ZDHHC1: variants seen among roughly 807,000 people sequenced by gnomAD.
ZDHHC1 encodes the protein zDHHC palmitoyltransferase 1, also known as palmitoyltransferase ZDHHC1.
A neutral mutation model predicts 46.9 loss-of-function variants in ZDHHC1; 45 were observed. The ratio of observed to expected loss-of-function variants is 0.96; its 90% CI spans 0.76 to 1.23. ZDHHC1 has a LOEUF of 1.23. ZDHHC1 is among the 50% of genes most tolerant of loss of function. ZDHHC1 has a pLI of 0.00. For synonymous variants in ZDHHC1, 291 were observed against 286.0 expected (o/e 1.02, Z -0.18); for missense variants, 649 against 670.8 (o/e 0.97, Z 0.36).
chr16:67,395,484 T>C lies in ZDHHC1; in HGVS notation c.1010A>G (p.Asn337Ser), dbSNP rs757943738. ...GQAGPAAVNA[N>S]PSQFLATRGQ... The stretch of plus-strand genomic sequence containing the variant: ...TGGCACATGCCCAGGTTGCACTCAC[T>C]TGGCATTCACTGCTGCTGGCCCGGC... The change falls in exon 9 of 12, where the codon AAT (asparagine) becomes AGT (serine). Residue 337 changes from asparagine (N) to serine (S), a missense_variant and splice_region_variant. Physicochemically the swap from Asn to Ser is conservative, Grantham distance 46 (BLOSUM62 1). Transcript: ENST00000565726. 16 of 1,552,934 alleles carry C rather than the reference T, an allele frequency of 1.0e-5. No homozygotes were observed. The South Asian group carries it at 1.8e-4, about 17-fold the overall frequency.
At chr16:67,414,687 C>G (rs2040804002) in intron 1 of ZDHHC1, among the ~76,000 whole-genome samples, 1 of 152,202 alleles carries the variant, frequency 6.6e-6, no homozygotes, top group Admixed American at 6.5e-5. Context: ...CTCTCACTTC[C>G]TCATAAAAAA....
chr16:67,402,928 A>C (rs1442826855), intron 3 of ZDHHC1, among the ~76,000 whole-genome samples: 1 of 152,254 alleles, frequency 6.6e-6, no homozygotes, highest in African/African-American at 2.4e-5. Context: ...ACTCCTGCCC[A>C]AAAACATGGA....
At position 67,407,831 on chromosome 16, in the gene ZDHHC1, G is replaced by A. The variant is rs371057996; in HGVS notation, c.-38-18C>T. 9.1e-5 allele frequency: 71 copies of A among 776,058 alleles called. No individual in the cohort carries two copies. Among genetic ancestry groups the A allele is most frequent in the Non-Finnish European group, 1.4e-4 (57 of 415,100 alleles). The allele number at this position is 776,058 out of a possible 1,614,324, so 48.1% of individuals were successfully genotyped here. A position where few individuals can be genotyped will look rare whatever the true frequency, so the allele number is the denominator to read the frequency against. On this transcript the variant is annotated intron_variant, in intron 1 of 11. Transcript: ENST00000565726. ...GAAAACAGCTGAAATAAAAGGAAAC[G>A]TGGGCACAGTAAATGGTGTGGAATC...
chr16:67,412,587 A>G (rs1298267776), intron 1 of ZDHHC1, among the ~76,000 whole-genome samples: 2 of 152,186 alleles, frequency 1.3e-5, no homozygotes, highest in Non-Finnish European at 1.5e-5. Flanking sequence ...ACTGTTAGGG[A>G]TCTTGTCAAA....
Position 67,394,466 on chromosome 16 carries a change from C to G in ZDHHC1, c.*144G>C, listed in dbSNP as rs2040374102. ...TATTGGAGCATCACAGCCGGTGGGG[C>G]GGGTATTGCTGAGTCGTGGGGGAGG... On this transcript the variant is annotated 3_prime_UTR_variant, in exon 12 of 12. Transcript: ENST00000565726. 1 of 597,620 alleles carries G rather than the reference C, an allele frequency of 1.7e-6. No individual in the cohort carries two copies. The allele number at this position is 597,620 out of a possible 1,614,324, so 37.0% of individuals were successfully genotyped here.
In ZDHHC1 at chr16:67,401,034, C is replaced by T. The variant is rs2040542905; in HGVS notation, c.351G>A (p.Gly117=). ...DANVRDKSYA[G]PLPIFNRSQH... is the part of the protein sequence containing the mutation. ...GGCTTCGGTTGAAGATGGGCAGGGGCCCCGCATAGCTCTTGTCCCGCACGT... is the reference window on the plus strand; with the variant it reads ...GGCTTCGGTTGAAGATGGGCAGGGGTCCCGCATAGCTCTTGTCCCGCACGT... Residue 117 remains glycine, a synonymous_variant, in exon 4 of 12, where the codon GGG becomes GGA. Coordinates refer to ENST00000565726, the MANE Select transcript of ZDHHC1 (RefSeq NM_001323627.2). This position sits in a 1 kb window ranked among gnomAD's most constrained non-coding sequence, Gnocchi z 4.6. The T allele has an allele frequency of 1.2e-6, 2 of 1,614,158 alleles. No individual in the cohort carries two copies.
chr16:67,414,813 G>A (rs1312343336), intron 1 of ZDHHC1, among the ~76,000 whole-genome samples: 1 of 152,200 alleles, frequency 6.6e-6, no homozygotes, highest in African/African-American at 2.4e-5. Flanking sequence ...CTGACTTCCC[G>A]GTATGTCTGT....
chr16:67,404,151 G>A (rs1256967401), intron 3 of ZDHHC1: 1 of 124,244 alleles, frequency 8.0e-6, no homozygotes, highest in Admixed American at 7.4e-5. Context: ...AACAGGGCTG[G>A]ATGACTGACT....
At chr16:67,403,097 C>A (rs2040584281) in intron 3 of ZDHHC1, among the ~76,000 whole-genome samples, 1 of 152,162 alleles carries the variant, frequency 6.6e-6, no homozygotes, top group Admixed American at 6.5e-5. Context: ...AGGGACCTGG[C>A]AGGCAAAGAG....
At chr16:67,395,451 A>T in intron 9 of ZDHHC1, 33 bp downstream of exon 9, 1 of 1,550,448 alleles carries the variant, frequency 6.4e-7, no homozygotes, top group South Asian at 1.2e-5. Context: ...CTAACTGGAG[A>T]TGCCCAGTGG....
rs561774582 is a variant in ZDHHC1 at position 67,399,049 on chromosome 16, G to C, written c.531-105C>G. ...ATTGCTATGGGCTCAGAGGGCTGAG[G>C]GTGACCCCACAGCCCCAACTCCTCA... On this transcript the variant is annotated intron_variant, in intron 5 of 11. Coordinates refer to ENST00000565726, the MANE Select transcript of ZDHHC1 (RefSeq NM_001323627.2). The C allele has an allele frequency of 4.8e-6, 7 of 1,447,980 alleles. No homozygotes were observed. In the East Asian group the frequency reaches 1.7e-4, roughly 36 times the overall value. The allele number at this position is 1,447,980 out of a possible 1,614,324, so 89.7% of individuals were successfully genotyped here.
At chr16:67,408,543 G>A (rs12598427) in intron 1 of ZDHHC1, among the ~76,000 whole-genome samples, 11 of 152,038 alleles carry the variant, frequency 7.2e-5, no homozygotes, top group Admixed American at 3.3e-4. Flanking sequence ...CTGGAGTGCC[G>A]TGGCGCAATG....
Position 67,415,679 on chromosome 16 carries a change from C to CG in ZDHHC1, c.-39+491_-39+492insC, listed in dbSNP as rs566716952. 5.7e-3 allele frequency among the ~76,000 whole-genome samples: 870 copies of CG among 152,220 alleles called. 24 individuals are homozygous for CG. The highest frequency in any genetic ancestry group is 0.045 in the Admixed American group (683 of 15,298). ...GGCTGAGGCAGCAGAATGGCTTGAA[C>CG]CCGGGAGGCGGAGGTTGCAATGACC... On this transcript the variant is annotated intron_variant, in intron 1 of 11. Transcript: ENST00000565726.
Position 67,400,982 on chromosome 16 carries a change from G to T in ZDHHC1, c.403C>A (p.His135Asn). 1 of 1,614,062 alleles carries T rather than the reference G, an allele frequency of 6.2e-7. No individual in the cohort carries two copies. The highest frequency in any genetic ancestry group is 8.5e-7 in the Non-Finnish European group (1 of 1,180,028). Residue 135 changes from histidine (H) to asparagine (N), a missense_variant, in exon 4 of 12, where the codon CAC (histidine) becomes AAC (asparagine). Coordinates refer to ENST00000565726, the MANE Select transcript of ZDHHC1 (RefSeq NM_001323627.2). Reference sequence around the variant, plus strand: ...ACATCCACGTTGCACAAGTTGCAGTGCAGGTCTTCAATGACATGTGCGTGC... The same window carrying T: ...ACATCCACGTTGCACAAGTTGCAGTTCAGGTCTTCAATGACATGTGCGTGC... ...SQHAHVIEDL[H>N]CNLCNVDVSA... is the part of the protein sequence containing the mutation.
chr16:67,401,251 T>C lies in ZDHHC1; in HGVS notation c.253-119A>G. The C allele has an allele frequency of 7.4e-7, 1 of 1,356,786 alleles. No homozygotes were observed. Among genetic ancestry groups the C allele is most frequent in the Non-Finnish European group, 9.9e-7 (1 of 1,007,488 alleles). The allele number at this position is 1,356,786 out of a possible 1,614,324, so 84.0% of individuals were successfully genotyped here. ...CCGCTTTGTGCAGATTCTCTGCCTC[T>C]GCCACCTCCTACCTCCAGTCCCCCA... On this transcript the variant is annotated intron_variant, in intron 3 of 11. Coordinates refer to ENST00000565726, the MANE Select transcript of ZDHHC1 (RefSeq NM_001323627.2). The surrounding 1 kb of genome is among the most constrained non-coding windows in gnomAD (Gnocchi z 4.6).
chr16:67,398,393 C>T, intron 7 of ZDHHC1, 69 bp from the exon 8 acceptor site: 1 of 1,550,230 alleles, frequency 6.5e-7, no homozygotes, highest in South Asian at 1.2e-5. Flanking sequence ...GGAGGGAGGA[C>T]AACCAGCCCC....
Position 67,399,466 on chromosome 16 carries a change from G to A in ZDHHC1, c.429-10C>T. ...CTTGGAGCGAGCGCTCCTGCAGGGAGAGGGGGCACAGCGCGATTGGCCGGC... is the reference window on the plus strand; with the variant it reads ...CTTGGAGCGAGCGCTCCTGCAGGGAAAGGGGGCACAGCGCGATTGGCCGGC... On this transcript the variant is annotated splice_polypyrimidine_tract_variant and intron_variant, in intron 4 of 11. Coordinates refer to ENST00000565726, the MANE Select transcript of ZDHHC1 (RefSeq NM_001323627.2). 1 of 1,604,850 alleles carries A rather than the reference G, an allele frequency of 6.2e-7. No individual in the cohort carries two copies.
chr16:67,395,124 A>G (rs747893758), intron 10 of ZDHHC1, 62 bp from the exon 11 acceptor site: 4 of 1,613,166 alleles, frequency 2.5e-6, no homozygotes, highest in South Asian at 1.1e-5. Flanking sequence ...GGCGAGCGCC[A>G]GGGTAGAGGC....
rs772021768 is a variant in ZDHHC1 at position 67,401,053 on chromosome 16, C to T, written c.332G>A (p.Arg111Gln). ...VSIDPADANVRDKSYAGPLPI... is the reference protein window; with the variant it reads ...VSIDPADANVQDKSYAGPLPI... ...CAGGGGCCCCGCATAGCTCTTGTCC[C>T]GCACGTTGGCATCTGCTGGATCGAT... The change falls in exon 4 of 12, where the codon CGG (arginine) becomes CAG (glutamine). Residue 111 changes from arginine to glutamine, a missense_variant. Coordinates refer to ENST00000565726, the MANE Select transcript of ZDHHC1 (RefSeq NM_001323627.2). This position sits in a 1 kb window ranked among gnomAD's most constrained non-coding sequence, Gnocchi z 4.6. 1 of 1,614,160 alleles carries T rather than the reference C, an allele frequency of 6.2e-7. No individual in the cohort carries two copies. Among genetic ancestry groups the T allele is most frequent in the Non-Finnish European group, 8.5e-7 (1 of 1,180,034 alleles).
Sources: allele counts gnomAD v4.1 joint callset (sites outside exome capture counted in the v4.1 genomes callset), GRCh38; gene constraint gnomAD v4.1.1; non-coding constraint Gnocchi (gnomAD v3.1); transcripts MANE v1.5; gene names NCBI Gene and HGNC (gene_info 2026-07-23, HGNC 2026-07-21).